The following RYR3 variants were observed in gnomAD, a reference collection of about 807,000 sequenced individuals.
The protein encoded by RYR3 is ryanodine receptor 3, also known as brain ryanodine receptor-calcium release channel.
In RYR3, 207 loss-of-function variants were observed where a neutral mutation model predicts 584.3. That is an observed-to-expected ratio of 0.35 (90% CI 0.32 to 0.40). The LOEUF is 0.40. Among genes scored for constraint, RYR3 ranks in the 10% least tolerant of loss-of-function variants. RYR3 has a pLI of 1.00. For missense variants in RYR3, 5,616 were observed against 6,089.2 expected, an observed-to-expected ratio of 0.92 and a Z score of 2.59; for synonymous variants, 2,416 against 2,248.5, an observed-to-expected ratio of 1.07 and a Z score of -2.11.
chr15:33,403,644 T>C (rs1178402017), intron 1 of RYR3, among the ~76,000 whole-genome samples: 1 of 152,026 alleles, frequency 6.6e-6, no homozygotes, highest in East Asian at 1.9e-4. Context: ...GATTCATTAA[T>C]CTAAATTAAT....
At chr15:33,421,800 T>G (rs989304056) in intron 1 of RYR3, among the ~76,000 whole-genome samples, 2 of 152,190 alleles carry the variant, frequency 1.3e-5, no homozygotes, top group African/African-American at 4.8e-5. Flanking sequence ...CAGTTCCATC[T>G]GTTAGGTAGA....
At chr15:33,439,449 A>G (rs1331586919) in intron 1 of RYR3, among the ~76,000 whole-genome samples, 1 of 152,170 alleles carries the variant, frequency 6.6e-6, no homozygotes, top group East Asian at 1.9e-4. Flanking sequence ...TTTTAAAAGT[A>G]CTGTATATCT....
At chr15:33,840,447 C>T (rs116082173) in intron 89 of RYR3, 3,741 of 228,862 alleles carry the variant, frequency 0.016, 145 homozygotes, top group African/African-American at 0.08. Context: ...GGATTAAAGA[C>T]AAGGCAAGAA....
rs368091976 is a variant in RYR3 at position 33,543,731 on chromosome 15, C to T, written c.740+16C>T. The T allele has an allele frequency of 6.2e-6, 9 of 1,458,438 alleles. No individual in the cohort carries two copies. In the African/African-American group the frequency reaches 8.4e-5, roughly 14 times the overall value. The allele number at this position is 1,458,438 out of a possible 1,614,324, so 90.3% of individuals were successfully genotyped here. On this transcript the variant is annotated intron_variant, in intron 8 of 103. Transcript: ENST00000634891. ...CCCAGCACAGGTAAGTCAGTAGCTG[C>T]ATTCTTCCACTAGCTGTTTCCAGTC...
rs2063683497 is a variant in RYR3 at position 33,669,388 on chromosome 15, A to G, written c.5654A>G (p.Asn1885Ser). 6.2e-7 allele frequency: 1 copy of G among 1,613,862 alleles called. No individual in the cohort carries two copies. Among genetic ancestry groups the G allele is most frequent in the Non-Finnish European group, 8.5e-7 (1 of 1,179,884 alleles). ...NMLLNFQLGE[N>S]CPCPEEIREE... ...CTGCTTAACTTTCAACTGGGAGAGA[A>G]CTGCCCCTGCCCAGAGGAGATTCGG... Residue 1885 changes from asparagine to serine, a missense_variant, in exon 37 of 104, where the codon AAC (asparagine) becomes AGC (serine). Asn to Ser is a conservative substitution (Grantham distance 46). Transcript: ENST00000634891.
intron 1 of RYR3, among the ~76,000 whole-genome samples, chr15:33,398,997 C>T (rs1054585731): frequency 6.6e-6 from 1 of 152,040 alleles, no homozygotes; most frequent in East Asian, 1.9e-4. Flanking sequence ...TCAAACTGTA[C>T]CATTAGATGT....
intron 23 of RYR3, among the ~76,000 whole-genome samples, chr15:33,632,273 A>G (rs1278827084): frequency 1.3e-5 from 2 of 152,172 alleles, no homozygotes; most frequent in African/African-American, 2.4e-5. Flanking sequence ...ATATTCCCAC[A>G]TGGCCATGAC....
At chr15:33,352,361 C>G (rs1397460477) in intron 1 of RYR3, among the ~76,000 whole-genome samples, 1 of 151,930 alleles carries the variant, frequency 6.6e-6, no homozygotes, top group East Asian at 1.9e-4. Context: ...CAGAGAATAG[C>G]TCTGAGAATT....
intron 65 of RYR3, among the ~76,000 whole-genome samples, chr15:33,783,978 C>A (rs1255215123): frequency 6.6e-6 from 1 of 152,194 alleles, no homozygotes; most frequent in Admixed American, 6.5e-5. Flanking sequence ...AGATATTGGT[C>A]CACCCCTGAC....
intron 12 of RYR3, 38 bp from the exon 13 acceptor site, chr15:33,579,938 G>C: frequency 1.9e-6 from 3 of 1,547,960 alleles, no homozygotes; most frequent in Non-Finnish European, 2.6e-6. Flanking sequence ...CCCTGCTGCT[G>C]GCCAGTGCCT....
At chr15:33,523,867 G>C (rs576273453) in intron 3 of RYR3, among the ~76,000 whole-genome samples, 1 of 152,054 alleles carries the variant, frequency 6.6e-6, no homozygotes, top group African/African-American at 2.4e-5. Context: ...GTCAGGTATC[G>C]TCAATAAAGG....
chr15:33,706,462 A>G lies in RYR3; in HGVS notation c.6484-457A>G, dbSNP rs114144081. Among the ~76,000 whole-genome samples the G allele has an allele frequency of 6.7e-4, 102 of 151,874 alleles. 1 individual carries two copies. The highest frequency in any genetic ancestry group is 2.4e-3 in the African/African-American group (100 of 41,366). On this transcript the variant is annotated intron_variant, in intron 42 of 103. Coordinates refer to ENST00000634891, the MANE Select transcript of RYR3 (RefSeq NM_001036.6). ...CTTTATGGGTTTTACTACTCAAATT[A>G]CCTCCTATGAATGGAACGATACGGT... is the stretch of plus-strand genomic sequence containing the variant.
chr15:33,368,933 T>C (rs1975915504), intron 1 of RYR3, among the ~76,000 whole-genome samples: 1 of 152,202 alleles, frequency 6.6e-6, no homozygotes, highest in Admixed American at 6.5e-5. Context: ...TAGGGTTTTT[T>C]AGTCATCTTT....
chr15:33,435,501 A>T (rs1006490974), intron 1 of RYR3, among the ~76,000 whole-genome samples: 1 of 152,302 alleles, frequency 6.6e-6, no homozygotes, highest in Admixed American at 6.5e-5. Context: ...TACTGTAATA[A>T]ACATTCTTAT....
chr15:33,758,435 G>T (rs2072077205), intron 60 of RYR3, among the ~76,000 whole-genome samples: 4 of 152,152 alleles, frequency 2.6e-5, no homozygotes, highest in Admixed American at 2.6e-4. Context: ...AAGTCGACCT[G>T]GGACACTCGG....
At chr15:33,506,226 A>G (rs2052474369) in intron 3 of RYR3, among the ~76,000 whole-genome samples, 1 of 152,210 alleles carries the variant, frequency 6.6e-6, no homozygotes, top group East Asian at 1.9e-4. Context: ...TTCATTTTAG[A>G]ATATATGAAT....
chr15:33,848,479 T>TA (rs1204384148), intron 94 of RYR3, 58 bp downstream of exon 94: 21 of 1,535,400 alleles, frequency 1.4e-5, no homozygotes, highest in Non-Finnish European at 1.8e-5. Flanking sequence ...GTAAATAGAG[T>TA]AACTCTTTCC....
chr15:33,824,827 A>G (rs1190050624), intron 81 of RYR3, among the ~76,000 whole-genome samples: 1 of 152,164 alleles, frequency 6.6e-6, no homozygotes, highest in Non-Finnish European at 1.5e-5. Flanking sequence ...AACCTTTCAG[A>G]TTGGGGAATA....
In RYR3 at chr15:33,652,798, A is replaced by ACCTGGAGATCGGCTG; in HGVS notation, c.4224_4238dup (p.Glu1410_Leu1414dup). 6.2e-7 allele frequency: 1 copy of ACCTGGAGATCGGCTG among 1,613,864 alleles called. No individual in the cohort carries two copies. Among genetic ancestry groups the ACCTGGAGATCGGCTG allele is most frequent in the Non-Finnish European group, 8.5e-7 (1 of 1,179,854 alleles). The stretch of plus-strand genomic sequence containing the variant: ...CAGAGATCAAATCGGAGCAACGTGG[A>ACCTGGAGATCGGCTG]CCTGGAGATCGGCTGTCTCGTGGAT... On this transcript the variant is annotated inframe_insertion, in exon 32 of 104. Coordinates refer to ENST00000634891, the MANE Select transcript of RYR3 (RefSeq NM_001036.6).
Sources: allele counts gnomAD v4.1 joint callset (sites outside exome capture counted in the v4.1 genomes callset), GRCh38; gene constraint gnomAD v4.1.1; transcripts MANE v1.5; gene names NCBI Gene and HGNC (gene_info 2026-07-23, HGNC 2026-07-21).